CDK5RAP1: variants seen among roughly 807,000 people sequenced by gnomAD.
CDK5RAP1 encodes CDK5RAP1 mitochondrial tRNA methylthiotransferase.
In CDK5RAP1, 62 loss-of-function variants were observed where a neutral mutation model predicts 64.5. The observed-to-expected ratio is 0.96, with a 90% CI of 0.78 to 1.19. CDK5RAP1 has a LOEUF of 1.19. CDK5RAP1 is among the 50% of genes most tolerant of loss of function. CDK5RAP1 has a pLI of 0.00. For synonymous variants in CDK5RAP1, 250 were observed against 261.9 expected (o/e 0.95, Z 0.44); for missense variants, 657 against 735.0 (o/e 0.89, Z 1.23).
At chr20:33,385,329 G>A (rs1987278864) in intron 7 of CDK5RAP1, among the ~76,000 whole-genome samples, 1 of 152,150 alleles carries the variant, frequency 6.6e-6, no homozygotes, top group Admixed American at 6.6e-5. Flanking sequence ...TGCAAGCAAG[G>A]TATTATTTTA....
At chr20:33,380,779 G>A (rs923022675) in intron 7 of CDK5RAP1, among the ~76,000 whole-genome samples, 2 of 152,076 alleles carry the variant, frequency 1.3e-5, no homozygotes, top group Admixed American at 1.3e-4. Context: ...CAAGGTGGGC[G>A]GATCACACGG....
chr20:33,361,955 CAAAAA>C (rs11481557), intron 12 of CDK5RAP1, among the ~76,000 whole-genome samples: 3 of 87,896 alleles, frequency 3.4e-5, no homozygotes, highest in Non-Finnish European at 2.1e-5. Flanking sequence ...GCCTCAGTCT[CAAAAA>C]AAAAAAAAAA....
intron 5 of CDK5RAP1, among the ~76,000 whole-genome samples, chr20:33,391,708 T>C (rs1049178623): frequency 6.6e-6 from 1 of 151,784 alleles, no homozygotes; most frequent in African/African-American, 2.4e-5. Flanking sequence ...TAATCCCAGC[T>C]ACTCGGGAGG....
intron 11 of CDK5RAP1, among the ~76,000 whole-genome samples, chr20:33,367,640 G>A (rs1028150363): frequency 6.6e-6 from 1 of 152,140 alleles, no homozygotes; most frequent in African/African-American, 2.4e-5. Context: ...AAAAAACTAG[G>A]CAACCTGGGA....
intron 5 of CDK5RAP1, among the ~76,000 whole-genome samples, chr20:33,390,743 T>C (rs1988215509): frequency 6.6e-6 from 1 of 152,140 alleles, no homozygotes; most frequent in South Asian, 2.1e-4. Context: ...CAGCTGACCC[T>C]TCCATCCTCC....
chr20:33,387,548 G>A lies in CDK5RAP1; in HGVS notation c.545-15C>T, dbSNP rs1393694954. 3.1e-6 allele frequency: 5 copies of A among 1,605,760 alleles called. No individual in the cohort carries two copies. The highest frequency in any genetic ancestry group is 4.3e-6 in the Non-Finnish European group (5 of 1,172,772). On this transcript the variant is annotated splice_polypyrimidine_tract_variant and intron_variant, in intron 5 of 13. Coordinates refer to ENST00000346416, the MANE Select transcript of CDK5RAP1 (RefSeq NM_016408.4). ...AGCCATGCAGCCTGGAAGGGAAAAA[G>A]AAACAAGCACCTTTCCCCAAATCCA...
intron 7 of CDK5RAP1, among the ~76,000 whole-genome samples, chr20:33,382,156 G>A (rs556688136): frequency 6.6e-6 from 1 of 152,238 alleles, no homozygotes; most frequent in East Asian, 1.9e-4. Flanking sequence ...GGCAATGCTC[G>A]AGGAAACTCT....
chr20:33,387,252 G>C, intron 6 of CDK5RAP1, 71 bp downstream of exon 6: 1 of 1,149,184 alleles, frequency 8.7e-7, no homozygotes, highest in South Asian at 1.4e-5. Context: ...GTGAGACCCT[G>C]TCTCAAAAAA....
Position 33,369,903 on chromosome 20 carries a change from G to A in CDK5RAP1, c.1392+596C>T, listed in dbSNP as rs6059285. ...CAAACACAAGCACATTGCCACAAAG[G>A]TGACTGAGGGAATGAGGAGTGAACC... On this transcript the variant is annotated intron_variant, in intron 11 of 13. Transcript: ENST00000346416. Among the ~76,000 whole-genome samples, 306 of 152,298 alleles carry A rather than the reference G, an allele frequency of 2.0e-3. 2 individuals carry two copies. The highest frequency in any genetic ancestry group is 6.8e-3 in the African/African-American group (284 of 41,562).
intron 4 of CDK5RAP1, among the ~76,000 whole-genome samples, 185 bp from the exon 5 acceptor site, chr20:33,392,427 C>T (rs1988425264): frequency 6.7e-6 from 1 of 149,700 alleles, no homozygotes; most frequent in South Asian, 2.1e-4. Context: ...AATTCATAAA[C>T]TTTTGTAAAA....
Position 33,391,780 on chromosome 20 carries a change from A to G in CDK5RAP1, c.544+362T>C, listed in dbSNP as rs372402871. 2.0e-5 allele frequency among the ~76,000 whole-genome samples: 3 copies of G among 152,158 alleles called. No individual in the cohort carries two copies. The East Asian group carries it at 5.8e-4, about 29-fold the overall frequency. ...AGTTGCGGTGAGCCAAGATCTCGCC[A>G]TTGCACTCCAGCCTGGACAACAAGA... On this transcript the variant is annotated intron_variant, in intron 5 of 13. Transcript: ENST00000346416.
intron 8 of CDK5RAP1, among the ~76,000 whole-genome samples, chr20:33,374,435 G>A (rs1985638724): frequency 6.8e-6 from 1 of 146,046 alleles, no homozygotes; most frequent in Admixed American, 7.1e-5. Flanking sequence ...AAAGAGTAGA[G>A]AGAAGAAAGT....
Position 33,392,219 on chromosome 20 carries a change from C to T in CDK5RAP1, c.467G>A (p.Trp156Ter), listed in dbSNP as rs1988398180. ...GGCTTTAAGCTGATGTAAACGGTTCCAGATGGTCTGCTCAGCCTTCTCCCT... is the reference window on the plus strand; with the variant it reads ...GGCTTTAAGCTGATGTAAACGGTTCTAGATGGTCTGCTCAGCCTTCTCCCT... The part of the protein sequence containing the change: ...SIREKAEQTI[W>*]NRLHQLKALK... Residue 156 changes from tryptophan (W) to a stop codon, truncating the protein, a stop_gained, in exon 5 of 14, where the codon TGG becomes TAG. Transcript: ENST00000346416. LOFTEE classifies it high-confidence loss of function. The T allele has an allele frequency of 5.6e-6, 9 of 1,613,588 alleles. No homozygotes were observed. The highest frequency in any genetic ancestry group is 7.6e-6 in the Non-Finnish European group (9 of 1,179,660).
chr20:33,367,693 T>G (rs751254765), intron 11 of CDK5RAP1, among the ~76,000 whole-genome samples: 1 of 152,218 alleles, frequency 6.6e-6, no homozygotes, highest in Non-Finnish European at 1.5e-5. Context: ...CCTTTTGAAT[T>G]TTATTCAAGC....
Position 33,372,648 on chromosome 20 carries a change from T to C in CDK5RAP1, c.1255A>G (p.Ile419Val), listed in dbSNP as rs200680704. Residue 419 changes from isoleucine to valine, a missense_variant, in exon 10 of 14, where the codon ATT (isoleucine) becomes GTT (valine). Physicochemically the swap from Ile to Val is conservative, Grantham distance 29. Transcript: ENST00000346416. Reference sequence around the variant, plus strand: ...ATGAGTTTCTTAAATGTACCTGGAATAGATTCTCTAATATGGTGAACTAAC... The same window carrying C: ...ATGAGTTTCTTAAATGTACCTGGAACAGATTCTCTAATATGGTGAACTAAC... Reference protein sequence around the residue: ...VELVHHIRESIPGVSLSSDFI... With the variant: ...VELVHHIRESVPGVSLSSDFI... 2.0e-6 allele frequency: 3 copies of C among 1,530,796 alleles called. No individual in the cohort carries two copies. Among genetic ancestry groups the C allele is most frequent in the East Asian group, 4.8e-5 (2 of 41,930 alleles). 94.8% of individuals were successfully genotyped at this position (1,530,796 alleles called of 1,614,324 possible). A position where few individuals can be genotyped will look rare whatever the true frequency, so the allele number is the denominator to read the frequency against.
At chr20:33,381,801 T>TCATAACTC (rs1277606665) in intron 7 of CDK5RAP1, among the ~76,000 whole-genome samples, 5 of 152,148 alleles carry the variant, frequency 3.3e-5, no homozygotes, top group African/African-American at 1.2e-4. Flanking sequence ...CATTTAGTTG[T>TCATAACTC]CATAACTCCA....
At chr20:33,394,976 A>G (rs1365302768) in intron 3 of CDK5RAP1, 37 bp downstream of exon 3, 2 of 1,269,042 alleles carry the variant, frequency 1.6e-6, no homozygotes, top group Admixed American at 1.7e-5. Flanking sequence ...AATCTTGCCC[A>G]GGTCCAGGAA....
intron 7 of CDK5RAP1, among the ~76,000 whole-genome samples, chr20:33,382,137 A>G (rs1038062025): frequency 3.9e-5 from 6 of 152,162 alleles, no homozygotes; most frequent in African/African-American, 1.4e-4. Flanking sequence ...AAATGTACCA[A>G]AGAAAGATGG....
Position 33,401,452 on chromosome 20 carries a change from G to A in CDK5RAP1, c.-45C>T, listed in dbSNP as rs1443023276. On this transcript the variant is annotated 5_prime_UTR_variant, in exon 1 of 14. Coordinates refer to ENST00000346416, the MANE Select transcript of CDK5RAP1 (RefSeq NM_016408.4). ...CCTCCCGCAGCAGCAACAGTGCCCG[G>A]GGTCCCGCAGCGTAAGTTCTGCCGG... 7.1e-6 allele frequency: 7 copies of A among 985,352 alleles called. No individual in the cohort carries two copies. The highest frequency in any genetic ancestry group is 9.4e-5 in the South Asian group (2 of 21,294). 61.0% of individuals were successfully genotyped at this position (985,352 alleles called of 1,614,324 possible).
Sources: allele counts gnomAD v4.1 joint callset (sites outside exome capture counted in the v4.1 genomes callset), GRCh38; gene constraint gnomAD v4.1.1; transcripts MANE v1.5; gene names NCBI Gene and HGNC (gene_info 2026-07-23, HGNC 2026-07-21).